The following TRDN variants were observed in gnomAD, a reference collection of about 807,000 sequenced individuals.
TRDN encodes triadin, also known as triadin in skeletal muscle.
A neutral mutation model predicts 149.7 loss-of-function variants in TRDN; 161 were observed. The ratio of observed to expected loss-of-function variants is 1.08; its 90% confidence interval spans 0.95 to 1.23. The LOEUF (loss-of-function observed/expected upper bound fraction) is 1.23, where lower values mean the gene tolerates loss of function less well. Ranked by LOEUF, TRDN falls within the 50% of genes most tolerant of loss-of-function variation. TRDN has a pLI of 0.00. For synonymous variants in TRDN, 294 were observed against 250.5 expected, an observed-to-expected ratio of 1.17 and a Z score of -1.64; for missense variants, 896 against 823.5, an observed-to-expected ratio of 1.09 and a Z score of -1.08.
chr6:123,589,323 G>A (rs1018626211), intron 1 of TRDN, among the ~76,000 whole-genome samples: 2 of 152,134 alleles, frequency 1.3e-5, no homozygotes, highest in Non-Finnish European at 2.9e-5. Flanking sequence ...TAATTTTCTA[G>A]TATTTTATGT....
intron 21 of TRDN, among the ~76,000 whole-genome samples, chr6:123,346,275 A>G (rs1780242481): frequency 6.6e-6 from 1 of 152,016 alleles, no homozygotes; most frequent in South Asian, 2.1e-4. Flanking sequence ...TACCATTACT[A>G]TTCATAGGGT....
chr6:123,319,064 C>T (rs775062823), intron 23 of TRDN, among the ~76,000 whole-genome samples: 1 of 151,992 alleles, frequency 6.6e-6, no homozygotes, highest in Non-Finnish European at 1.5e-5. Context: ...TGACCTTGGG[C>T]ATTACTTAAA....
intron 12 of TRDN, among the ~76,000 whole-genome samples, chr6:123,411,453 A>G (rs1562300203): frequency 6.6e-6 from 1 of 152,114 alleles, no homozygotes. Context: ...GGCTGAAGAG[A>G]ACTGAATTGC....
At chr6:123,233,214 C>A (rs559506398) in intron 38 of TRDN, among the ~76,000 whole-genome samples, 1 of 152,006 alleles carries the variant, frequency 6.6e-6, no homozygotes, top group Non-Finnish European at 1.5e-5. Flanking sequence ...TAAAAACCCA[C>A]GGTAGTTCAA....
At chr6:123,571,670 A>G (rs1782586675) in intron 1 of TRDN, among the ~76,000 whole-genome samples, 1 of 152,270 alleles carries the variant, frequency 6.6e-6, no homozygotes, top group South Asian at 2.1e-4. Flanking sequence ...AGATAGTTTT[A>G]ATCTCACCAC....
intron 2 of TRDN, among the ~76,000 whole-genome samples, chr6:123,561,686 G>A (rs552545753): frequency 6.6e-5 from 10 of 151,812 alleles, no homozygotes; most frequent in Non-Finnish European, 1.2e-4. Flanking sequence ...ATACAAAACC[G>A]TATCCAGGCC....
chr6:123,569,695 G>T (rs772096937), intron 2 of TRDN, among the ~76,000 whole-genome samples: 3 of 152,126 alleles, frequency 2.0e-5, no homozygotes, highest in Admixed American at 6.5e-5. Flanking sequence ...ATGTCACATG[G>T]CCAGAGAAGA....
intron 24 of TRDN, among the ~76,000 whole-genome samples, chr6:123,283,744 A>T (rs1243582692): frequency 6.6e-6 from 1 of 150,906 alleles, no homozygotes; most frequent in African/African-American, 2.4e-5. Flanking sequence ...TCCTAGCTTA[A>T]ATCAGGAAGA....
rs1774973819 is a variant in TRDN, at chr6:123,216,428, C to G, written c.*2173G>C. On this transcript the variant is annotated 3_prime_UTR_variant, in exon 41 of 41. Coordinates refer to ENST00000334268, the MANE Select transcript of TRDN (RefSeq NM_006073.4). The stretch of plus-strand genomic sequence containing the variant: ...TTTTAAAGTGCTATGATCATTGTAA[C>G]TTTAATCAGATAAAACGTAATTATT... The G allele has an allele frequency of 6.6e-6, 1 of 151,820 alleles. No homozygotes were observed. The highest frequency in any genetic ancestry group is 2.1e-4 in the South Asian group (1 of 4,826). 9.4% of individuals were successfully genotyped at this position (151,820 alleles called of 1,614,324 possible).
At chr6:123,611,350 A>T (rs1216345647) in intron 1 of TRDN, among the ~76,000 whole-genome samples, 1 of 152,212 alleles carries the variant, frequency 6.6e-6, no homozygotes, top group Admixed American at 6.5e-5. Context: ...AGAACAATGT[A>T]ACAGTTGCCC....
chr6:123,570,130 A>G (rs1782489798), intron 2 of TRDN, among the ~76,000 whole-genome samples: 1 of 152,092 alleles, frequency 6.6e-6, no homozygotes, highest in Admixed American at 6.5e-5. Context: ...TACTGATTCT[A>G]CTCCTGTTGG....
chr6:123,595,469 G>A (rs1783989442), intron 1 of TRDN, among the ~76,000 whole-genome samples: 1 of 151,998 alleles, frequency 6.6e-6, no homozygotes, highest in Non-Finnish European at 1.5e-5. Context: ...AAAGAGATTT[G>A]GAAATCGAAG....
chr6:123,224,248 A>G (rs1775271984), intron 38 of TRDN, 117 bp from the exon 39 acceptor site: 6 of 914,386 alleles, frequency 6.6e-6, no homozygotes, highest in Non-Finnish European at 8.5e-6. Context: ...CAAACTCAGC[A>G]TCTACAGTCT....
At chr6:123,490,860 T>A (rs1364539396) in intron 9 of TRDN, among the ~76,000 whole-genome samples, 1 of 152,192 alleles carries the variant, frequency 6.6e-6, no homozygotes, top group Non-Finnish European at 1.5e-5. Flanking sequence ...ATCCCAGCAC[T>A]TTGAGAGGCC....
chr6:123,219,425 A>G (rs920280392), intron 40 of TRDN, among the ~76,000 whole-genome samples: 2 of 151,942 alleles, frequency 1.3e-5, no homozygotes, highest in Admixed American at 1.3e-4. Context: ...GGTGCCTACA[A>G]ACTTCCAGTG....
In TRDN at chr6:123,533,486, G is replaced by T. The variant is rs140556599; in HGVS notation, c.425-2921C>A. On this transcript the variant is annotated intron_variant, in intron 4 of 40. Transcript: ENST00000334268. The stretch of plus-strand genomic sequence containing the variant: ...ACTGGACAGAGTTGTGGTGGTTTTG[G>T]GGACTAGAAAGACGGTCCTTGTTGA... 3.9e-5 allele frequency among the ~76,000 whole-genome samples: 6 copies of T among 152,122 alleles called. No homozygotes were observed. In the East Asian group the frequency reaches 1.2e-3, roughly 30 times the overall value.
At chr6:123,273,208 T>C in intron 28 of TRDN, 129 bp downstream of exon 28, 1 of 843,126 alleles carries the variant, frequency 1.2e-6, no homozygotes, top group East Asian at 3.3e-5. Flanking sequence ...TTTGAAACTA[T>C]AGTTTTCAAA....
chr6:123,363,125 C>A (rs562571403), intron 20 of TRDN, among the ~76,000 whole-genome samples: 1 of 152,260 alleles, frequency 6.6e-6, no homozygotes, highest in South Asian at 2.1e-4. Flanking sequence ...GTAATTTCCA[C>A]TTAACATTGC....
At chr6:123,223,822 G>C (rs1157820840) in intron 39 of TRDN, among the ~76,000 whole-genome samples, 3 of 151,276 alleles carry the variant, frequency 2.0e-5, no homozygotes, top group Non-Finnish European at 4.4e-5. Flanking sequence ...TAGTGATTTT[G>C]AAGTATTATT....
Sources: allele counts gnomAD v4.1 joint callset (sites outside exome capture counted in the v4.1 genomes callset), GRCh38; gene constraint gnomAD v4.1.1; transcripts MANE v1.5; gene names NCBI Gene and HGNC (gene_info 2026-07-23, HGNC 2026-07-21).